The following KCNN2 variants were observed in gnomAD, a reference collection of about 807,000 sequenced individuals.
KCNN2 encodes small conductance calcium-activated potassium channel protein 2.
In KCNN2, 24 loss-of-function variants were observed where a neutral mutation model predicts 55.5. The observed-to-expected ratio is 0.43, with a 90% confidence interval of 0.31 to 0.61. KCNN2 has a LOEUF of 0.61. Ranked by LOEUF, KCNN2 falls within the 20% of genes least tolerant of loss-of-function variation. KCNN2 has a pLI of 0.08. For missense variants in KCNN2, 754 were observed against 853.6 expected (o/e 0.88, Z 1.45); for synonymous variants, 431 against 336.1 (o/e 1.28, Z -3.09).
intron 1 of KCNN2, among the ~76,000 whole-genome samples, chr5:114,064,218 C>T (rs1014192253): frequency 2.0e-5 from 3 of 152,234 alleles, no homozygotes; most frequent in Non-Finnish European, 4.4e-5. Flanking sequence ...CTACTAGTGC[C>T]TCTCACTTTG....
chr5:114,340,817 C>A (rs181091322), intron 2 of KCNN2, among the ~76,000 whole-genome samples: 1 of 152,272 alleles, frequency 6.6e-6, no homozygotes, highest in Non-Finnish European at 1.5e-5. Flanking sequence ...TGAACCTTTG[C>A]ACCCTTTGAC....
At position 114,274,770 on chromosome 5, in the gene KCNN2, G is replaced by A. The variant is rs568645032; in HGVS notation, c.-185+53205G>A. Among the ~76,000 whole-genome samples, 21 of 152,288 alleles carry A rather than the reference G, an allele frequency of 1.4e-4. No homozygotes were observed. The South Asian group carries it at 4.4e-3, about 32-fold the overall frequency. On this transcript the variant is annotated intron_variant, in intron 2 of 10. Transcript: ENST00000512097. ...TGGAGTTTTCTAAATATACTATCATGTCATCTGCAAACAGAGACAATTTGA... is the reference window on the plus strand; with the variant it reads ...TGGAGTTTTCTAAATATACTATCATATCATCTGCAAACAGAGACAATTTGA...
At chr5:114,342,023 T>C (rs920633869) in intron 2 of KCNN2, among the ~76,000 whole-genome samples, 4 of 151,612 alleles carry the variant, frequency 2.6e-5, no homozygotes, top group African/African-American at 9.7e-5. Flanking sequence ...TGCCTCAGCC[T>C]CCCAAGTAGC....
chr5:114,202,581 A>T lies in KCNN2; in HGVS notation c.-270-18899A>T, dbSNP rs1356762661. Among the ~76,000 whole-genome samples the T allele has an allele frequency of 4.5e-3, 313 of 69,422 alleles. 3 individuals carry two copies. The highest frequency in any genetic ancestry group is 0.015 in the East Asian group (49 of 3,266). 45.5% of individuals were successfully genotyped at this position (69,422 alleles called of 152,430 possible). A position where few individuals can be genotyped will look rare whatever the true frequency, so the allele number is the denominator to read the frequency against. On this transcript the variant is annotated intron_variant, in intron 1 of 10. Transcript: ENST00000512097. Reference sequence around the variant, plus strand: ...TATATGTGTGTGTATATATATATATATATATTTTTTTTTTTTTTTTCCCGA... The same window carrying T: ...TATATGTGTGTGTATATATATATATTTATATTTTTTTTTTTTTTTTCCCGA...
At chr5:114,276,546 G>A (rs1755491646) in intron 2 of KCNN2, among the ~76,000 whole-genome samples, 1 of 151,966 alleles carries the variant, frequency 6.6e-6, no homozygotes, top group African/African-American at 2.4e-5. Context: ...AGGATAGTTA[G>A]CTCTTTTTGT....
intron 1 of KCNN2, among the ~76,000 whole-genome samples, chr5:114,159,134 T>C (rs1005636995): frequency 5.3e-5 from 8 of 152,208 alleles, no homozygotes; most frequent in African/African-American, 1.9e-4. Flanking sequence ...ATATTGGCTG[T>C]GGTTTTGTCA....
At chr5:114,458,492 CA>C (rs1344638188) in intron 3 of KCNN2, among the ~76,000 whole-genome samples, 4 of 152,106 alleles carry the variant, frequency 2.6e-5, no homozygotes, top group Non-Finnish European at 4.4e-5. Flanking sequence ...GCATGTGGCC[CA>C]AGGCAAGTCA....
intron 1 of KCNN2, among the ~76,000 whole-genome samples, chr5:114,152,311 A>C (rs1024294250): frequency 1.3e-5 from 2 of 152,236 alleles, no homozygotes; most frequent in African/African-American, 4.8e-5. Context: ...CACAATAAAC[A>C]CTTAAAATGT....
intron 4 of KCNN2, among the ~76,000 whole-genome samples, chr5:114,466,636 A>G (rs945786630): frequency 1.3e-5 from 2 of 151,734 alleles, no homozygotes; most frequent in African/African-American, 4.8e-5. Flanking sequence ...TTGCTTCTCT[A>G]TTTCTGTAAA....
At chr5:114,210,092 T>C (rs1753852918) in intron 1 of KCNN2, among the ~76,000 whole-genome samples, 1 of 152,202 alleles carries the variant, frequency 6.6e-6, no homozygotes, top group Admixed American at 6.5e-5. Context: ...TTTCACAGGA[T>C]GGTTAGTAGC....
chr5:114,341,575 A>C (rs1757015576), intron 2 of KCNN2, among the ~76,000 whole-genome samples: 1 of 152,156 alleles, frequency 6.6e-6, no homozygotes, highest in Non-Finnish European at 1.5e-5. Flanking sequence ...ATGATTGAGA[A>C]AGACACTCCC....
At chr5:114,288,367 C>T (rs888605144) in intron 2 of KCNN2, among the ~76,000 whole-genome samples, 1 of 152,120 alleles carries the variant, frequency 6.6e-6, no homozygotes, top group African/African-American at 2.4e-5. Context: ...ATTGCTAGGT[C>T]ATGTGGAAAT....
At chr5:114,114,445 C>T (rs1243397195) in intron 1 of KCNN2, among the ~76,000 whole-genome samples, 3 of 151,980 alleles carry the variant, frequency 2.0e-5, no homozygotes, top group Non-Finnish European at 4.4e-5. Context: ...CGCTTTGTTG[C>T]CCAGGTTGGC....
chr5:114,246,132 G>A (rs190584138), intron 2 of KCNN2, among the ~76,000 whole-genome samples: 14 of 152,054 alleles, frequency 9.2e-5, no homozygotes, highest in Non-Finnish European at 1.0e-4. Context: ...TCCTATTTTC[G>A]TGAATGTAAT....
At chr5:114,397,749 A>C (rs1007755969) in intron 2 of KCNN2, among the ~76,000 whole-genome samples, 5 of 152,092 alleles carry the variant, frequency 3.3e-5, no homozygotes, top group African/African-American at 9.7e-5. Context: ...ATAGTATCTC[A>C]TTGTGGTTTC....
chr5:114,156,878 G>A (rs867359857), intron 1 of KCNN2, among the ~76,000 whole-genome samples: 18 of 152,080 alleles, frequency 1.2e-4, no homozygotes, highest in African/African-American at 4.3e-4. Flanking sequence ...GACTTTGCCA[G>A]TAGACATAGC....
At chr5:114,476,264 A>G (rs1377181992) in intron 5 of KCNN2, among the ~76,000 whole-genome samples, 1 of 147,864 alleles carries the variant, frequency 6.8e-6, no homozygotes, top group Non-Finnish European at 1.5e-5. Context: ...GATTAAGAAA[A>G]TGTGGCACAT....
intron 2 of KCNN2, among the ~76,000 whole-genome samples, chr5:114,227,386 T>C (rs780645492): frequency 6.6e-6 from 1 of 152,230 alleles, no homozygotes; most frequent in Admixed American, 6.5e-5. Context: ...CTAGATCCGC[T>C]TGCTTAAAGA....
intron 1 of KCNN2, among the ~76,000 whole-genome samples, chr5:114,188,358 G>C (rs768807157): frequency 3.9e-5 from 6 of 152,106 alleles, no homozygotes; most frequent in Admixed American, 1.3e-4. Flanking sequence ...TCATTGCATA[G>C]TTCCAAGGGC....
Sources: gnomAD v4.1 joint callset for allele counts (sites outside exome capture counted in the v4.1 genomes callset) on GRCh38, gnomAD v4.1.1 for gene constraint, MANE v1.5 for transcripts, NCBI Gene and HGNC (gene_info 2026-07-23, HGNC 2026-07-21) for gene names.